Variants in WDR11 observed in about 807,000 individuals in gnomAD.
WDR11 encodes WD repeat-containing protein 11.
A neutral mutation model predicts 151.2 loss-of-function variants in WDR11; 83 were observed. The observed-to-expected ratio is 0.55, with a 90% CI of 0.46 to 0.66. The LOEUF (loss-of-function observed/expected upper bound fraction) is 0.66, where lower values mean the gene tolerates loss of function less well. WDR11 is among the 30% of genes least tolerant of loss of function. The probability of loss-of-function intolerance (pLI) is 0.00; values close to 1 mark genes in which losing one functional copy is unlikely to be tolerated. For missense variants in WDR11, 1,301 were observed against 1,480.9 expected (o/e 0.88, Z 1.99); for synonymous variants, 484 against 533.1 (o/e 0.91, Z 1.27).
intron 19 of WDR11, among the ~76,000 whole-genome samples, chr10:120,896,342 GGA>G (rs1227465541): frequency 3.3e-5 from 5 of 152,162 alleles, no homozygotes; most frequent in Non-Finnish European, 7.4e-5. Flanking sequence ...ATGGAAAAAT[GGA>G]GAGTATGGGG....
chr10:120,880,100 C>G (rs1410486754), intron 12 of WDR11: 2 of 152,130 alleles, frequency 1.3e-5, no homozygotes, highest in Admixed American at 1.3e-4. Flanking sequence ...TTTTCCCCCA[C>G]TAGTTAGTAT....
rs911060484 is a variant in WDR11, at chr10:120,860,256, A to G, written c.500A>G (p.Asp167Gly). The change falls in exon 4 of 29, where the codon GAC becomes GGC. Residue 167 changes from aspartate (D) to glycine (G), a missense_variant. By Grantham distance (94) the Asp-to-Gly change is moderately conservative (BLOSUM62 -1). Around this residue, in one of 3 missense-constraint regions of WDR11, gnomAD observed 692 missense variants for 762.5 expected, o/e 0.91. Coordinates refer to ENST00000263461, the MANE Select transcript of WDR11 (RefSeq NM_018117.12). Reference protein sequence around the residue: ...YADNILSFSFDPFDPSHLTLL... With the variant: ...YADNILSFSFGPFDPSHLTLL... ...GATAACATTCTTTCTTTTTCTTTTG[A>G]CCCTTTTGATCCCTCACATTTAACT... is the stretch of plus-strand genomic sequence containing the variant. The G allele has an allele frequency of 4.3e-6, 7 of 1,613,796 alleles. No individual in the cohort carries two copies. The highest frequency in any genetic ancestry group is 2.7e-5 in the African/African-American group (2 of 74,878).
At chr10:120,896,175 G>A (rs1847607867) in intron 19 of WDR11, among the ~76,000 whole-genome samples, 1 of 152,168 alleles carries the variant, frequency 6.6e-6, no homozygotes, top group African/African-American at 2.4e-5. Flanking sequence ...CAGGATATGT[G>A]TAAGTGAAAA....
chr10:120,853,592 G>A (rs1845854479), intron 2 of WDR11, among the ~76,000 whole-genome samples: 1 of 152,160 alleles, frequency 6.6e-6, no homozygotes, highest in South Asian at 2.1e-4. Flanking sequence ...GTAGGAGATT[G>A]ATGTGACCAT....
chr10:120,885,471 A>G (rs1259512919), intron 14 of WDR11, among the ~76,000 whole-genome samples: 1 of 152,112 alleles, frequency 6.6e-6, no homozygotes, highest in Non-Finnish European at 1.5e-5. Flanking sequence ...ATGATAAAGG[A>G]CCCTGGTTCG....
Position 120,874,176 on chromosome 10 carries a change from G to GTTTTTTT in WDR11, c.1556+263_1556+269dup, listed in dbSNP as rs66873217. ...TGCAAAAGTAATTGCGGTTTTTGCA[G>GTTTTTTT]TTTTTTTTTTTTTTTTGTTGTTGTT... On this transcript the variant is annotated intron_variant, in intron 11 of 28. Coordinates refer to ENST00000263461, the MANE Select transcript of WDR11 (RefSeq NM_018117.12). Among the ~76,000 whole-genome samples the GTTTTTTT allele has an allele frequency of 1.6e-3, 136 of 83,386 alleles. 4 individuals carry two copies. The highest frequency in any genetic ancestry group is 3.5e-3 in the African/African-American group (70 of 20,258). The allele number at this position is 83,386 out of a possible 152,430, so 54.7% of individuals were successfully genotyped here.
chr10:120,895,813 C>T (rs555167925), intron 19 of WDR11, among the ~76,000 whole-genome samples: 38 of 152,052 alleles, frequency 2.5e-4, no homozygotes, highest in African/African-American at 8.9e-4. Flanking sequence ...CTATCAGATT[C>T]AAAAGCTTGA....
chr10:120,880,279 A>C (rs1350898767), intron 12 of WDR11: 2 of 152,286 alleles, frequency 1.3e-5, no homozygotes, highest in Admixed American at 1.3e-4. Context: ...GCCTTTTTAC[A>C]AAATAAATAT....
At chr10:120,855,840 G>T (rs1845926805) in intron 2 of WDR11, among the ~76,000 whole-genome samples, 1 of 152,006 alleles carries the variant, frequency 6.6e-6, no homozygotes, top group South Asian at 2.1e-4. Context: ...TAATCTGTGT[G>T]TCTTCTATTT....
chr10:120,880,531 C>T (rs1394111833), intron 12 of WDR11: 13 of 347,248 alleles, frequency 3.7e-5, no homozygotes, highest in East Asian at 2.8e-4. Context: ...TGGTGGCGAG[C>T]GCCTGTAATC....
intron 13 of WDR11, among the ~76,000 whole-genome samples, chr10:120,881,322 A>G (rs982017708): frequency 2.0e-5 from 3 of 152,162 alleles, no homozygotes; most frequent in African/African-American, 7.2e-5. Context: ...CAAAATTACA[A>G]AGAAAGAGTA....
intron 19 of WDR11, among the ~76,000 whole-genome samples, chr10:120,897,968 G>A (rs1847675102): frequency 6.6e-6 from 1 of 152,068 alleles, no homozygotes; most frequent in Non-Finnish European, 1.5e-5. Context: ...AATATTTTGT[G>A]TATAATTTAA....
At chr10:120,878,036 A>C (rs1846860495) in intron 11 of WDR11, among the ~76,000 whole-genome samples, 4 of 152,204 alleles carry the variant, frequency 2.6e-5, no homozygotes, top group African/African-American at 9.6e-5. Flanking sequence ...TTTGTCTGGT[A>C]GGCTGAAACT....
rs1847347977 is a variant in WDR11, at chr10:120,889,557, T to C, written c.2229-338T>C. 9.7e-6 allele frequency: 4 copies of C among 411,150 alleles called. No homozygotes were observed. In the Admixed American group the frequency reaches 1.5e-4, roughly 15 times the overall value. 25.5% of individuals were successfully genotyped at this position (411,150 alleles called of 1,614,324 possible). A position where few individuals can be genotyped will look rare whatever the true frequency, so the allele number is the denominator to read the frequency against. ...ACCCGGCCAAAAAATGACATCTTGA[T>C]ATGGTTCCATTAGAGGCTTGTGACT... On this transcript the variant is annotated intron_variant, in intron 17 of 28. Coordinates refer to ENST00000263461, the MANE Select transcript of WDR11 (RefSeq NM_018117.12).
intron 3 of WDR11, among the ~76,000 whole-genome samples, chr10:120,859,739 A>G (rs752810235): frequency 6.6e-5 from 10 of 152,198 alleles, no homozygotes; most frequent in African/African-American, 9.6e-5. Flanking sequence ...GTAAAGTTCC[A>G]TTAAGTAATT....
rs899483650 is a variant in WDR11 at position 120,851,366 on chromosome 10, T to C, written c.-55T>C. 1 of 1,512,038 alleles carries C rather than the reference T, an allele frequency of 6.6e-7. No individual in the cohort carries two copies. Among genetic ancestry groups the C allele is most frequent in the Non-Finnish European group, 9.0e-7 (1 of 1,105,270 alleles). 93.7% of individuals were successfully genotyped at this position (1,512,038 alleles called of 1,614,324 possible). On this transcript the variant is annotated 5_prime_UTR_variant, in exon 1 of 29. Coordinates refer to ENST00000263461, the MANE Select transcript of WDR11 (RefSeq NM_018117.12). ...GACTCTGTTTGGAACGGAAGCACAG[T>C]GTCCGCCGCTTCCTGGTTGCGGGTC...
chr10:120,878,845 T>A (rs1487183873), intron 12 of WDR11, among the ~76,000 whole-genome samples: 1 of 152,170 alleles, frequency 6.6e-6, no homozygotes, highest in African/African-American at 2.4e-5. Flanking sequence ...CTTAGAAAAT[T>A]TATAGGTTAA....
At chr10:120,877,612 G>A (rs1322094856) in intron 11 of WDR11, among the ~76,000 whole-genome samples, 1 of 151,916 alleles carries the variant, frequency 6.6e-6, no homozygotes, top group African/African-American at 2.4e-5. Context: ...GTGAGACCCT[G>A]TCTCAAAAAA....
At chr10:120,900,242 C>T (rs763002881) in intron 20 of WDR11, 105 bp downstream of exon 20, 19 of 1,010,002 alleles carry the variant, frequency 1.9e-5, no homozygotes, top group South Asian at 2.6e-5. Context: ...GGAATGGAGC[C>T]TTTAAAGCCG....
Sources: allele counts gnomAD v4.1 joint callset (sites outside exome capture counted in the v4.1 genomes callset), GRCh38; gene constraint gnomAD v4.1.1; regional missense constraint gnomAD v4.1.1; transcripts MANE v1.5; gene names NCBI Gene and HGNC (gene_info 2026-07-23, HGNC 2026-07-21).